CEMIP: variants seen among roughly 807,000 people sequenced by gnomAD.
CEMIP encodes cell migration inducing hyaluronidase 1.
A neutral mutation model predicts 156.9 loss-of-function variants in CEMIP; 105 were observed. The observed-to-expected ratio is 0.67, with a 90% CI of 0.57 to 0.79. The LOEUF (loss-of-function observed/expected upper bound fraction) is 0.79. CEMIP is among the 30% of genes least tolerant of loss of function. The pLI, the probability that CEMIP is intolerant of heterozygous loss-of-function variation, is 0.00. For synonymous variants in CEMIP, 676 were observed against 668.4 expected (o/e 1.01, Z -0.17); for missense variants, 1,457 against 1,769.4 (o/e 0.82, Z 3.17).
chr15:80,786,346 C>CA (rs1212774371), intron 1 of CEMIP, among the ~76,000 whole-genome samples: 1 of 152,112 alleles, frequency 6.6e-6, no homozygotes, highest in African/African-American at 2.4e-5. Context: ...AGGTGATCCT[C>CA]AAGCCCCCCA....
At chr15:80,914,511 T>C (rs1156291755) in intron 14 of CEMIP, among the ~76,000 whole-genome samples, 1 of 152,122 alleles carries the variant, frequency 6.6e-6, no homozygotes, top group Non-Finnish European at 1.5e-5. Flanking sequence ...CTGCAGCCAG[T>C]CCCCAGGTGC....
intron 1 of CEMIP, among the ~76,000 whole-genome samples, chr15:80,816,064 C>T (rs891277485): frequency 3.9e-5 from 6 of 152,156 alleles, no homozygotes; most frequent in African/African-American, 1.2e-4. Context: ...CTAAAGCAAA[C>T]TCTTTTGCAA....
chr15:80,902,449 G>C (rs989703748), intron 12 of CEMIP, among the ~76,000 whole-genome samples: 18 of 152,292 alleles, frequency 1.2e-4, no homozygotes, highest in African/African-American at 4.3e-4. Flanking sequence ...GGCAGGATGG[G>C]GTGCGGGGGA....
At chr15:80,947,558 C>T (rs927124352) in intron 29 of CEMIP, 1 of 161,732 alleles carries the variant, frequency 6.2e-6, no homozygotes, top group Non-Finnish European at 1.4e-5. Flanking sequence ...CAGGCAGCTT[C>T]GGTGGTGAAG....
chr15:80,906,672 T>A lies in CEMIP; in HGVS notation c.1421T>A (p.Met474Lys). ...PNQVKVAGKP[M>K]YLHIGEEIDG... ...TCCCTTTCTGCCCTAGGGAAACCAA[T>A]GTACCTGCACATCGGGGAGGAGATA... is the stretch of plus-strand genomic sequence containing the variant. The change falls in exon 13 of 30, where the codon ATG (methionine) becomes AAG (lysine). Residue 474 changes from methionine to lysine, a missense_variant. Physicochemically the swap from Met to Lys is moderately conservative, Grantham distance 95 (BLOSUM62 -1). Transcript: ENST00000394685. This position sits in a 1 kb window ranked among gnomAD's most constrained non-coding sequence, Gnocchi z 4.3. 1 of 1,613,406 alleles carries A rather than the reference T, an allele frequency of 6.2e-7. No homozygotes were observed. Among genetic ancestry groups the A allele is most frequent in the Non-Finnish European group, 8.5e-7 (1 of 1,179,458 alleles).
At chr15:80,841,745 C>T (rs566396123) in intron 1 of CEMIP, among the ~76,000 whole-genome samples, 6 of 152,282 alleles carry the variant, frequency 3.9e-5, no homozygotes, top group Admixed American at 2.0e-4. Context: ...AGGCCAGGGC[C>T]GACCAATCAG....
chr15:80,882,186 A>T (rs980257772), intron 6 of CEMIP, among the ~76,000 whole-genome samples: 1 of 152,222 alleles, frequency 6.6e-6, no homozygotes, highest in Non-Finnish European at 1.5e-5. Flanking sequence ...TGGTGCTCAC[A>T]GACACCCAAC....
At chr15:80,891,425 G>C (rs1596163417) in intron 10 of CEMIP, among the ~76,000 whole-genome samples, 1 of 152,210 alleles carries the variant, frequency 6.6e-6, no homozygotes, top group African/African-American at 2.4e-5. Context: ...CTGTTAGTCT[G>C]TTGCCATATT....
intron 1 of CEMIP, among the ~76,000 whole-genome samples, chr15:80,839,500 C>CGCA (rs1046038754): frequency 7.2e-5 from 11 of 152,230 alleles, no homozygotes; most frequent in South Asian, 4.1e-4. Flanking sequence ...GGCCAGCACC[C>CGCA]GCAGCAGCAG....
At chr15:80,806,722 C>G (rs1208467959) in intron 1 of CEMIP, among the ~76,000 whole-genome samples, 2 of 152,206 alleles carry the variant, frequency 1.3e-5, no homozygotes, top group East Asian at 1.9e-4. Context: ...AAAATAATCT[C>G]TAACCTTTGG....
chr15:80,894,486 C>A (rs1899141979), intron 10 of CEMIP, among the ~76,000 whole-genome samples: 1 of 152,172 alleles, frequency 6.6e-6, no homozygotes, highest in African/African-American at 2.4e-5. Context: ...ACCTGGACAA[C>A]TTTTCAAAGT....
At chr15:80,871,844 T>G (rs905381841) in intron 1 of CEMIP, among the ~76,000 whole-genome samples, 1 of 152,204 alleles carries the variant, frequency 6.6e-6, no homozygotes, top group Non-Finnish European at 1.5e-5. Flanking sequence ...ACTCCTCTTC[T>G]GGGGGCCATG....
At chr15:80,943,612 T>C (rs1403169144) in intron 28 of CEMIP, among the ~76,000 whole-genome samples, 1 of 152,222 alleles carries the variant, frequency 6.6e-6, no homozygotes, top group Non-Finnish European at 1.5e-5. Context: ...TCACAATTCA[T>C]CCTGATAGCC....
intron 1 of CEMIP, among the ~76,000 whole-genome samples, chr15:80,854,074 C>T (rs908938818): frequency 6.6e-6 from 1 of 152,258 alleles, no homozygotes; most frequent in African/African-American, 2.4e-5. Context: ...GGCACTGTCC[C>T]CTGGGCCTCT....
intron 1 of CEMIP, among the ~76,000 whole-genome samples, chr15:80,871,500 C>T (rs751272238): frequency 3.3e-5 from 5 of 152,176 alleles, no homozygotes; most frequent in Non-Finnish European, 5.9e-5. Flanking sequence ...CCTCCCCACT[C>T]GGTACCTGGG....
At chr15:80,904,800 C>T (rs1300659455) in intron 12 of CEMIP, among the ~76,000 whole-genome samples, 1 of 152,154 alleles carries the variant, frequency 6.6e-6, no homozygotes, top group Non-Finnish European at 1.5e-5. Context: ...CCGTTAGATT[C>T]ATTTCATACT....
At chr15:80,791,439 C>T (rs747265543) in intron 1 of CEMIP, among the ~76,000 whole-genome samples, 4 of 152,230 alleles carry the variant, frequency 2.6e-5, no homozygotes, top group East Asian at 1.9e-4. Context: ...CTGCGCTGTC[C>T]GAAGTGAATT....
At chr15:80,948,722 G>A (rs1248982848) in intron 29 of CEMIP, 75 bp from the exon 30 acceptor site, 1 of 1,604,140 alleles carries the variant, frequency 6.2e-7, no homozygotes, top group Non-Finnish European at 8.5e-7. Flanking sequence ...GCTGGCGATG[G>A]GGAGCCATGG....
rs1196322992 is a variant in CEMIP at position 80,906,252 on chromosome 15, GA to G, written c.1412-407del. Among the ~76,000 whole-genome samples the G allele has an allele frequency of 6.6e-6, 1 of 152,194 alleles. No homozygotes were observed. Among genetic ancestry groups the G allele is most frequent in the Non-Finnish European group, 1.5e-5 (1 of 68,036 alleles). On this transcript the variant is annotated intron_variant, in intron 12 of 29. Coordinates refer to ENST00000394685, the MANE Select transcript of CEMIP (RefSeq NM_001293298.2). The surrounding 1 kb of genome is among the most constrained non-coding windows in gnomAD (Gnocchi z 4.3). The stretch of plus-strand genomic sequence containing the variant: ...GGCGAGGCTGGCCTGCCAGCCCCCA[GA>G]AAAGAGCAAGAGGAGGGCAGTCTGG...
Sources: gnomAD v4.1 joint callset for allele counts (sites outside exome capture counted in the v4.1 genomes callset) on GRCh38, gnomAD v4.1.1 for gene constraint, Gnocchi (gnomAD v3.1) non-coding constraint, MANE v1.5 for transcripts, NCBI Gene and HGNC (gene_info 2026-07-23, HGNC 2026-07-21) for gene names.